Variants in TFDP1 observed in about 807,000 individuals in gnomAD.
The protein encoded by TFDP1 is DRTF1-polypeptide 1.
In TFDP1, 6 loss-of-function variants were observed where a neutral mutation model predicts 48.0. The ratio of observed to expected loss-of-function variants is 0.13; its 90% CI spans 0.07 to 0.25. TFDP1 has a LOEUF of 0.25. TFDP1 is among the 10% of genes least tolerant of loss of function. The pLI, the probability that TFDP1 is intolerant of heterozygous loss-of-function variation, is 1.00. For synonymous variants in TFDP1, 201 were observed against 211.6 expected (o/e 0.95, Z 0.44); for missense variants, 335 against 543.0 (o/e 0.62, Z 3.81).
intron 2 of TFDP1, among the ~76,000 whole-genome samples, chr13:113,593,900 TGTG>T (rs1390499942): frequency 1.4e-5 from 2 of 143,902 alleles, no homozygotes; most frequent in African/African-American, 5.2e-5. Context: ...AGGTGACAGG[TGTG>T]GTGTGTGCGG....
Position 113,614,112 on chromosome 13 carries a change from GTGAGT to G in TFDP1, c.79+3058_79+3062del, listed in dbSNP as rs1040241728. Among the ~76,000 whole-genome samples, 14 of 150,454 alleles carry G rather than the reference GTGAGT, an allele frequency of 9.3e-5. No individual in the cohort carries two copies. The East Asian group carries it at 9.7e-4, about 10-fold the overall frequency. On this transcript the variant is annotated intron_variant, in intron 3 of 11. Coordinates refer to ENST00000375370, the MANE Select transcript of TFDP1 (RefSeq NM_007111.5). ...ATGTGAGTTGTGTGCATATGCACGT[GTGAGT>G]TGAGTTGTGTGCATGGAGTGTTATG...
chr13:113,613,666 AGT>A (rs751943510), intron 3 of TFDP1, among the ~76,000 whole-genome samples: 1,775 of 117,738 alleles, frequency 0.015, 32 homozygotes, highest in African/African-American at 0.029. Flanking sequence ...CGTGGGTATG[AGT>A]GTGTGTGTGC....
intron 2 of TFDP1, among the ~76,000 whole-genome samples, chr13:113,609,160 A>G (rs2048644121): frequency 6.6e-6 from 1 of 152,206 alleles, no homozygotes; most frequent in Non-Finnish European, 1.5e-5. Flanking sequence ...TCCTGGGTGC[A>G]GTCAGGTTCT....
At chr13:113,635,876 C>A (rs893235739) in intron 8 of TFDP1, 101 bp from the exon 9 acceptor site, 2 of 1,374,972 alleles carry the variant, frequency 1.5e-6, no homozygotes, top group Non-Finnish European at 2.0e-6. Context: ...GCCAACTCCT[C>A]GCTGTCACGT....
intron 11 of TFDP1, among the ~76,000 whole-genome samples, chr13:113,638,954 C>T (rs1038402216): frequency 5.3e-5 from 8 of 152,248 alleles, no homozygotes; most frequent in South Asian, 2.1e-4. Flanking sequence ...CTTGAGCCTG[C>T]GTTGGGATGT....
chr13:113,598,667 C>T lies in TFDP1; in HGVS notation c.13-12329C>T, dbSNP rs892840992. Among the ~76,000 whole-genome samples, 1 of 152,224 alleles carries T rather than the reference C, an allele frequency of 6.6e-6. No individual in the cohort carries two copies. Among genetic ancestry groups the T allele is most frequent in the Admixed American group, 6.5e-5 (1 of 15,284 alleles). ...CCCTGAGGACCTGGGGTTCGTGTTG[C>T]CCTCCTGGGTGGAGTCTGCGTCCCC... On this transcript the variant is annotated intron_variant, in intron 2 of 11. Coordinates refer to ENST00000375370, the MANE Select transcript of TFDP1 (RefSeq NM_007111.5). This position sits in a 1 kb window ranked among gnomAD's most constrained non-coding sequence, Gnocchi z 4.2.
chr13:113,610,468 G>T (rs1048668754), intron 2 of TFDP1, among the ~76,000 whole-genome samples: 1 of 148,906 alleles, frequency 6.7e-6, no homozygotes, highest in Admixed American at 6.6e-5. Flanking sequence ...GTGCCATCAC[G>T]TGTGCCCCCG....
In TFDP1 at chr13:113,634,612, T is replaced by C; in HGVS notation, c.687+10T>C. The C allele has an allele frequency of 6.3e-7, 1 of 1,595,726 alleles. No individual in the cohort carries two copies. Among genetic ancestry groups the C allele is most frequent in the Non-Finnish European group, 8.6e-7 (1 of 1,169,060 alleles). ...AGAACTTATTCTACAGGTAAGAGAATACGTATCTGTGGAGGCAGGGTAATT... is the reference window on the plus strand; with the variant it reads ...AGAACTTATTCTACAGGTAAGAGAACACGTATCTGTGGAGGCAGGGTAATT... On this transcript the variant is annotated intron_variant, in intron 8 of 11. Transcript: ENST00000375370.
At position 113,625,947 on chromosome 13, in the gene TFDP1, C is replaced by T. The variant is rs369550274; in HGVS notation, c.186+2661C>T. Among the ~76,000 whole-genome samples, 2 of 145,228 alleles carry T rather than the reference C, an allele frequency of 1.4e-5. 1 individual carries two copies. The highest frequency in any genetic ancestry group is 4.8e-4 in the East Asian group (2 of 4,130). The stretch of plus-strand genomic sequence containing the variant: ...GTGTCCTCAGGTGTTTCTCAGGCGT[C>T]TCTCACGTGTCCTCAGGCGTCTCTC... On this transcript the variant is annotated intron_variant, in intron 4 of 11. Transcript: ENST00000375370.
intron 2 of TFDP1, among the ~76,000 whole-genome samples, chr13:113,586,424 G>T (rs559897841): frequency 6.6e-6 from 1 of 151,996 alleles, no homozygotes; most frequent in Non-Finnish European, 1.5e-5. Context: ...CAGTTGTCAT[G>T]AAACTATAGA....
At chr13:113,588,702 T>A (rs1319255082) in intron 2 of TFDP1, among the ~76,000 whole-genome samples, 1 of 149,704 alleles carries the variant, frequency 6.7e-6, no homozygotes, top group Non-Finnish European at 1.5e-5. Flanking sequence ...AGTTAGAGAG[T>A]GAGTGGTGGT....
chr13:113,618,819 G>C (rs1468421634), intron 3 of TFDP1, among the ~76,000 whole-genome samples: 1 of 152,254 alleles, frequency 6.6e-6, no homozygotes, highest in African/African-American at 2.4e-5. Context: ...AAGGAAATCA[G>C]CCTGACGGCT....
At chr13:113,610,072 C>T (rs1406549709) in intron 2 of TFDP1, among the ~76,000 whole-genome samples, 1 of 152,214 alleles carries the variant, frequency 6.6e-6, no homozygotes, top group African/African-American at 2.4e-5. Flanking sequence ...GATAGGAGTC[C>T]CCCTTAATGT....
chr13:113,640,064 G>A (rs977702011), intron 11 of TFDP1, 56 bp from the exon 12 acceptor site: 1 of 1,325,354 alleles, frequency 7.5e-7, no homozygotes, highest in African/African-American at 1.5e-5. Context: ...CCTGAGGCGG[G>A]GGGAGGCTGG....
intron 2 of TFDP1, among the ~76,000 whole-genome samples, chr13:113,608,660 C>A (rs897572652): frequency 3.9e-5 from 6 of 152,220 alleles, no homozygotes; most frequent in African/African-American, 1.2e-4. Context: ...TGGCCTTACG[C>A]ACCTGGCTGT....
At chr13:113,628,010 C>T (rs1255723146) in intron 4 of TFDP1, among the ~76,000 whole-genome samples, 4 of 150,084 alleles carry the variant, frequency 2.7e-5, no homozygotes, top group African/African-American at 1.0e-4. Flanking sequence ...GGGATGCTTC[C>T]ACCTGGAGCT....
intron 4 of TFDP1, among the ~76,000 whole-genome samples, chr13:113,628,372 C>T (rs758018937): frequency 1.3e-4 from 20 of 152,264 alleles, no homozygotes; most frequent in Admixed American, 7.8e-4. Flanking sequence ...GGATTCCAGC[C>T]GTGAGCACAG....
chr13:113,586,516 C>T (rs567328464), intron 2 of TFDP1, among the ~76,000 whole-genome samples: 3 of 152,314 alleles, frequency 2.0e-5, no homozygotes, highest in African/African-American at 7.2e-5. Flanking sequence ...TTATGTCAGT[C>T]ACTGAAACAC....
chr13:113,632,273 T>C (rs1246223042), intron 5 of TFDP1, among the ~76,000 whole-genome samples: 1 of 152,244 alleles, frequency 6.6e-6, no homozygotes, highest in East Asian at 1.9e-4. Flanking sequence ...TGCCCAAAGC[T>C]TCACCAGCTA....
Sources: gnomAD v4.1 joint callset for allele counts (sites outside exome capture counted in the v4.1 genomes callset) on GRCh38, gnomAD v4.1.1 for gene constraint, Gnocchi (gnomAD v3.1) non-coding constraint, MANE v1.5 for transcripts, NCBI Gene and HGNC (gene_info 2026-07-23, HGNC 2026-07-21) for gene names.